Variants in THSD7B observed in about 807,000 individuals in gnomAD.
THSD7B encodes the protein thrombospondin type 1 domain containing 7B, also known as thrombospondin type-1 domain-containing protein 7B.
A neutral mutation model predicts 213.6 loss-of-function variants in THSD7B; 138 were observed. The ratio of observed to expected loss-of-function variants is 0.65; its 90% CI spans 0.56 to 0.74. The LOEUF (loss-of-function observed/expected upper bound fraction) is 0.74, where lower values mean the gene tolerates loss of function less well. Among genes scored for constraint, THSD7B ranks in the 30% least tolerant of loss-of-function variants. The pLI, the probability that THSD7B is intolerant of heterozygous loss-of-function variation, is 0.00. For missense variants in THSD7B, 1,931 were observed against 1,991.5 expected, an observed-to-expected ratio of 0.97 and a Z score of 0.58; for synonymous variants, 742 against 687.0, an observed-to-expected ratio of 1.08 and a Z score of -1.25.
At chr2:137,216,035 C>A (rs887622178) in intron 7 of THSD7B, among the ~76,000 whole-genome samples, 2 of 152,032 alleles carry the variant, frequency 1.3e-5, no homozygotes, top group Non-Finnish European at 2.9e-5. Context: ...AATTCAAAGG[C>A]AGAATTTTGT....
At chr2:137,673,379 A>G (rs564471783) in intron 27 of THSD7B, among the ~76,000 whole-genome samples, 2 of 152,312 alleles carry the variant, frequency 1.3e-5, no homozygotes, top group East Asian at 3.9e-4. Flanking sequence ...AAGAATGATG[A>G]GGCTACACCT....
intron 15 of THSD7B, among the ~76,000 whole-genome samples, chr2:137,510,472 T>A (rs1679938665): frequency 6.6e-6 from 1 of 152,172 alleles, no homozygotes; most frequent in South Asian, 2.1e-4. Context: ...ATAACTTTGC[T>A]TCACACAATT....
intron 3 of THSD7B, among the ~76,000 whole-genome samples, chr2:137,079,045 A>G (rs188009373): frequency 5.3e-5 from 8 of 152,228 alleles, no homozygotes; most frequent in African/African-American, 1.9e-4. Context: ...TGAATGTTCA[A>G]CTGGGTGCAG....
intron 7 of THSD7B, among the ~76,000 whole-genome samples, chr2:137,230,437 G>A (rs999887104): frequency 1.3e-5 from 2 of 152,116 alleles, no homozygotes; most frequent in African/African-American, 2.4e-5. Flanking sequence ...GATTATTCAA[G>A]GGGGAATATT....
chr2:137,518,850 G>A (rs1013385157), intron 15 of THSD7B, among the ~76,000 whole-genome samples: 21 of 152,196 alleles, frequency 1.4e-4, no homozygotes, highest in Non-Finnish European at 2.9e-4. Flanking sequence ...CTGAGCCTTC[G>A]ATATGGCACC....
intron 5 of THSD7B, among the ~76,000 whole-genome samples, chr2:137,133,174 A>G (rs1688772869): frequency 6.6e-6 from 1 of 152,164 alleles, no homozygotes; most frequent in African/African-American, 2.4e-5. Flanking sequence ...TCCTGTCTTG[A>G]GTCAACGGTG....
intron 2 of THSD7B, among the ~76,000 whole-genome samples, chr2:136,978,325 T>C (rs1685517544): frequency 6.6e-6 from 1 of 152,160 alleles, no homozygotes; most frequent in South Asian, 2.1e-4. Flanking sequence ...CAGAGCTGAG[T>C]TCAAGTCCTG....
At chr2:136,774,656 A>T (rs2104901014) in intron 1 of THSD7B, among the ~76,000 whole-genome samples, 1 of 152,208 alleles carries the variant, frequency 6.6e-6, no homozygotes, top group East Asian at 1.9e-4. Context: ...AGTTACTTTT[A>T]AAAAGAATAT....
chr2:137,249,809 C>T (rs1306825462), intron 10 of THSD7B, among the ~76,000 whole-genome samples: 3 of 152,212 alleles, frequency 2.0e-5, no homozygotes, highest in African/African-American at 7.2e-5. Context: ...CATCCATAGG[C>T]ACAGATAGTC....
At chr2:137,083,613 A>G (rs1379287888) in intron 3 of THSD7B, among the ~76,000 whole-genome samples, 1 of 152,160 alleles carries the variant, frequency 6.6e-6, no homozygotes. Context: ...AGTCAAAATC[A>G]TTAAAAGTAA....
intron 5 of THSD7B, among the ~76,000 whole-genome samples, chr2:137,142,980 A>T (rs193206643): frequency 1.3e-5 from 2 of 152,270 alleles, no homozygotes; most frequent in Admixed American, 1.3e-4. Context: ...TTCAATGTTG[A>T]ACTATCCTTG....
chr2:137,098,192 G>A (rs1277798922), intron 4 of THSD7B, among the ~76,000 whole-genome samples: 1 of 152,196 alleles, frequency 6.6e-6, no homozygotes, highest in Admixed American at 6.5e-5. Flanking sequence ...TCTCCAAGAA[G>A]TAAATGCATG....
intron 1 of THSD7B, among the ~76,000 whole-genome samples, chr2:136,828,057 T>C (rs1573657132): frequency 6.6e-6 from 1 of 152,052 alleles, no homozygotes; most frequent in African/African-American, 2.4e-5. Flanking sequence ...TGCTGACAGG[T>C]GAGTGAAGAT....
intron 14 of THSD7B, among the ~76,000 whole-genome samples, chr2:137,438,617 G>T (rs1277523587): frequency 1.3e-5 from 2 of 152,032 alleles, no homozygotes; most frequent in African/African-American, 4.8e-5. Flanking sequence ...TCCCTGCGAT[G>T]GTTGATAACA....
In THSD7B at chr2:137,286,530, A is replaced by G. The variant is rs540639447; in HGVS notation, c.2500+10504A>G. On this transcript the variant is annotated intron_variant, in intron 12 of 27. Transcript: ENST00000409968. ...TCTCCGAATGGAAGACACCATAGTCACTTAACGTTTGAGCTGCAGTTTTAT... is the reference window on the plus strand; with the variant it reads ...TCTCCGAATGGAAGACACCATAGTCGCTTAACGTTTGAGCTGCAGTTTTAT... Among the ~76,000 whole-genome samples, 4 of 152,274 alleles carry G rather than the reference A, an allele frequency of 2.6e-5. No homozygotes were observed. In the South Asian group the frequency reaches 8.4e-4, roughly 32 times the overall value.
chr2:137,094,342 G>T (rs1282117934), intron 3 of THSD7B, among the ~76,000 whole-genome samples: 2 of 152,202 alleles, frequency 1.3e-5, no homozygotes, highest in African/African-American at 4.8e-5. Context: ...AGGCCAAGGT[G>T]GGTGGATCAC....
chr2:137,413,814 C>T (rs1686727695), intron 14 of THSD7B, among the ~76,000 whole-genome samples: 1 of 152,072 alleles, frequency 6.6e-6, no homozygotes, highest in Non-Finnish European at 1.5e-5. Context: ...TTAAAGATCA[C>T]TTTTGACTAC....
At chr2:137,589,457 T>G (rs1327115053) in intron 17 of THSD7B, among the ~76,000 whole-genome samples, 4 of 152,166 alleles carry the variant, frequency 2.6e-5, no homozygotes, top group African/African-American at 9.6e-5. Flanking sequence ...TTTCCTTACA[T>G]ATAGTTGTGA....
At chr2:136,939,037 G>T (rs977082619) in intron 2 of THSD7B, among the ~76,000 whole-genome samples, 1 of 151,950 alleles carries the variant, frequency 6.6e-6, no homozygotes, top group Admixed American at 6.6e-5. Context: ...AGTCCCTATT[G>T]TCCATTAGCC....
Sources: gnomAD v4.1 joint callset for allele counts (sites outside exome capture counted in the v4.1 genomes callset) on GRCh38, gnomAD v4.1.1 for gene constraint, MANE v1.5 for transcripts, NCBI Gene and HGNC (gene_info 2026-07-23, HGNC 2026-07-21) for gene names.